GRTP1: variants seen among roughly 807,000 people sequenced by gnomAD.
GRTP1 encodes the protein growth hormone regulated TBC protein 1.
Under a neutral mutation model 38.1 loss-of-function variants are expected in GRTP1, and 56 were observed. That is an observed-to-expected ratio of 1.47 (90% CI 1.19 to 1.84). The LOEUF (loss-of-function observed/expected upper bound fraction) is 1.84, where lower values mean the gene tolerates loss of function less well. Ranked by LOEUF, GRTP1 falls within the 40% of genes most tolerant of loss-of-function variation. The pLI is 0.00. For missense variants in GRTP1, 506 were observed against 453.9 expected, an observed-to-expected ratio of 1.11 and a Z score of -1.04; for synonymous variants, 217 against 189.5, an observed-to-expected ratio of 1.14 and a Z score of -1.19.
In GRTP1 at chr13:113,364,011, G is replaced by A; in HGVS notation, c.32+9C>T. ...GCCGCCGGGGACGCCCGCACCCCGC[G>A]CCACACACCTGGGGACCCGCGAGCG... On this transcript the variant is annotated intron_variant, in intron 1 of 7. Coordinates refer to ENST00000375431, the MANE Select transcript of GRTP1 (RefSeq NM_024719.4). 6.9e-7 allele frequency: 1 copy of A among 1,447,846 alleles called. No individual in the cohort carries two copies. Among genetic ancestry groups the A allele is most frequent in the Non-Finnish European group, 9.0e-7 (1 of 1,105,074 alleles). The allele number at this position is 1,447,846 out of a possible 1,614,324, so 89.7% of individuals were successfully genotyped here.
chr13:113,326,804 G>A (rs1226284048), intron 5 of GRTP1, among the ~76,000 whole-genome samples: 1 of 152,224 alleles, frequency 6.6e-6, no homozygotes, highest in African/African-American at 2.4e-5. Flanking sequence ...CGGCAGACAA[G>A]TGGATAACCA....
rs762569472 is a variant in GRTP1, at chr13:113,325,967, C to T, written c.687G>A (p.Leu229=). 61 of 1,613,832 alleles carry T rather than the reference C, an allele frequency of 3.8e-5. No homozygotes were observed. Among genetic ancestry groups the T allele is most frequent in the Non-Finnish European group, 4.9e-5 (58 of 1,179,976 alleles). Reference sequence around the variant, plus strand: ...ACAGGCAGATGAACCAGCGGGACACCAGCAGCGTCCACAGCACACCGAGAC... The same window carrying T: ...ACAGGCAGATGAACCAGCGGGACACTAGCAGCGTCCACAGCACACCGAGAC... The part of the protein sequence containing the change: ...MERLGVLWTL[L]VSRWFICLFV... Residue 229 remains leucine, a synonymous_variant, in exon 6 of 8, where the codon CTG becomes CTA. Transcript: ENST00000375431.
intron 5 of GRTP1, among the ~76,000 whole-genome samples, chr13:113,336,564 G>C (rs897006227): frequency 4.6e-5 from 7 of 151,882 alleles, no homozygotes; most frequent in African/African-American, 1.5e-4. Flanking sequence ...GCGAGGTGAG[G>C]GGGGCTGGCT....
chr13:113,328,187 C>T (rs1001357222), intron 5 of GRTP1, among the ~76,000 whole-genome samples: 2 of 152,196 alleles, frequency 1.3e-5, no homozygotes, highest in African/African-American at 4.8e-5. Context: ...TTGTCCCTGT[C>T]CTTCTGGGGA....
Position 113,348,159 on chromosome 13 carries a change from G to A in GRTP1, c.465+2690C>T, listed in dbSNP as rs895617176. Among the ~76,000 whole-genome samples the A allele has an allele frequency of 4.6e-5, 7 of 152,180 alleles. No homozygotes were observed. Among genetic ancestry groups the A allele is most frequent in the African/African-American group, 1.2e-4 (5 of 41,448 alleles). ...ATGGAAATGCAGGTGGGTGATCATC[G>A]TGGAGAAAAAGCAGAACATAGCCAG... On this transcript the variant is annotated intron_variant, in intron 4 of 7. Transcript: ENST00000375431. This position sits in a 1 kb window ranked among gnomAD's most constrained non-coding sequence, Gnocchi z 4.8.
intron 2 of GRTP1, among the ~76,000 whole-genome samples, chr13:113,359,271 C>T (rs1204852908): frequency 1.3e-5 from 2 of 152,208 alleles, no homozygotes; most frequent in Non-Finnish European, 2.9e-5. Flanking sequence ...AGAATCTTGA[C>T]TGTGGTGATG....
chr13:113,353,786 T>C (rs1046425781), intron 3 of GRTP1, among the ~76,000 whole-genome samples: 79 of 152,254 alleles, frequency 5.2e-4, no homozygotes, highest in South Asian at 4.1e-4. Context: ...TAAAAAACAA[T>C]TCAGCCAGGT....
intron 5 of GRTP1, among the ~76,000 whole-genome samples, chr13:113,337,127 G>A (rs900518081): frequency 1.3e-5 from 2 of 151,652 alleles, no homozygotes; most frequent in Non-Finnish European, 2.9e-5. Context: ...GACCCTGTCT[G>A]TACTCAAAAT....
chr13:113,336,735 CCAACCATCCCTCCA>C (rs2042960952), intron 5 of GRTP1, among the ~76,000 whole-genome samples: 1 of 1,986 alleles, frequency 5.0e-4, no homozygotes, highest in African/African-American at 1.1e-3. Flanking sequence ...TAGAACGGTA[CCAACCATCCCTCCA>C]GACAGCGGAC....
intron 5 of GRTP1, among the ~76,000 whole-genome samples, chr13:113,344,238 G>T (rs1595491732): frequency 6.6e-6 from 1 of 152,226 alleles, no homozygotes; most frequent in South Asian, 2.1e-4. Flanking sequence ...CCCTCAATAG[G>T]CACAGAAGTT....
chr13:113,346,015 G>GA (rs2043102608), intron 4 of GRTP1, among the ~76,000 whole-genome samples: 3 of 92,362 alleles, frequency 3.2e-5, no homozygotes, highest in East Asian at 3.2e-4. Flanking sequence ...GACCTCTGCG[G>GA]CTGAGCAGAC....
At chr13:113,345,829 G>A (rs944620527) in intron 4 of GRTP1, among the ~76,000 whole-genome samples, 3 of 152,164 alleles carry the variant, frequency 2.0e-5, no homozygotes, top group African/African-American at 7.2e-5. Context: ...CAGACCCTAA[G>A]AGTTTCACTC....
chr13:113,345,111 A>T, intron 4 of GRTP1, 152 bp from the exon 5 acceptor site: 1 of 766,974 alleles, frequency 1.3e-6, no homozygotes, highest in Non-Finnish European at 2.0e-6. Flanking sequence ...GTAGAACTCT[A>T]GAGTCACTAA....
chr13:113,346,285 AGCGGATCTGGGAGGACCT>A, intron 4 of GRTP1, among the ~76,000 whole-genome samples: 1 of 77,860 alleles, frequency 1.3e-5, no homozygotes, highest in Admixed American at 1.4e-4. Flanking sequence ...TCTGTGGCTG[AGCGGATCTGGGAGGACCT>A]CTGTGGCAGA....
chr13:113,341,600 G>A (rs1595488889), intron 5 of GRTP1, among the ~76,000 whole-genome samples: 1 of 151,992 alleles, frequency 6.6e-6, no homozygotes, highest in Non-Finnish European at 1.5e-5. Flanking sequence ...CCAGAGGTTT[G>A]TCTATTTATC....
chr13:113,352,264 T>TATATATTTA (rs1566437518), intron 3 of GRTP1, among the ~76,000 whole-genome samples: 286 of 76,772 alleles, frequency 3.7e-3, no homozygotes, highest in African/African-American at 0.013. Context: ...TTATATATTT[T>TATATATTTA]TATATTTTTA....
At position 113,350,990 on chromosome 13, in the gene GRTP1, A is replaced by G; in HGVS notation, c.341-17T>C. The G allele has an allele frequency of 6.2e-7, 1 of 1,613,454 alleles. No homozygotes were observed. The highest frequency in any genetic ancestry group is 8.5e-7 in the Non-Finnish European group (1 of 1,179,502). ...GGTTCAGGTCTGTGGGAAATTCAGA[A>G]GGAATCACCCACGGGTTTCTGTTCC... On this transcript the variant is annotated splice_polypyrimidine_tract_variant and intron_variant, in intron 3 of 7. Coordinates refer to ENST00000375431, the MANE Select transcript of GRTP1 (RefSeq NM_024719.4).
At chr13:113,362,208 T>TA (rs34591910) in intron 2 of GRTP1, among the ~76,000 whole-genome samples, 52,288 of 151,394 alleles carry the variant, frequency 0.35, 9,409 homozygotes, top group East Asian at 0.61. Flanking sequence ...TGTGCACCTG[T>TA]AATCCCAGCT....
At chr13:113,341,981 C>T (rs1395729275) in intron 5 of GRTP1, among the ~76,000 whole-genome samples, 2 of 151,948 alleles carry the variant, frequency 1.3e-5, no homozygotes, top group Non-Finnish European at 2.9e-5. Context: ...AGTCTCGCTC[C>T]GTCTTCCCAC....
Sources: allele counts gnomAD v4.1 joint callset (sites outside exome capture counted in the v4.1 genomes callset), GRCh38; gene constraint gnomAD v4.1.1; non-coding constraint Gnocchi (gnomAD v3.1); transcripts MANE v1.5; gene names NCBI Gene and HGNC (gene_info 2026-07-23, HGNC 2026-07-21).